MAST2: variants seen among roughly 807,000 people sequenced by gnomAD.
MAST2 encodes the protein microtubule associated serine/threonine kinase 2, also known as microtubule-associated serine/threonine-protein kinase 2.
A neutral mutation model predicts 147.4 loss-of-function variants in MAST2; 70 were observed. The ratio of observed to expected loss-of-function variants is 0.47; its 90% CI spans 0.39 to 0.58. MAST2 has a LOEUF of 0.58. MAST2 is among the 20% of genes least tolerant of loss of function. MAST2 has a pLI of 0.00. For synonymous variants in MAST2, 869 were observed against 896.8 expected (o/e 0.97, Z 0.55); for missense variants, 2,080 against 2,302.3 (o/e 0.90, Z 1.98).
intron 1 of MAST2, among the ~76,000 whole-genome samples, chr1:45,819,239 G>A (rs1308540289): frequency 1.4e-5 from 2 of 138,382 alleles, no homozygotes; most frequent in Non-Finnish European, 3.1e-5. Context: ...GGCAACAAGA[G>A]CAAAGTCTGT....
chr1:45,915,524 C>T (rs1000198022), intron 4 of MAST2, among the ~76,000 whole-genome samples: 1 of 152,090 alleles, frequency 6.6e-6, no homozygotes, highest in Non-Finnish European at 1.5e-5. Context: ...TCCTGGCTAA[C>T]ACGGTGAAAC....
chr1:45,812,709 G>A (rs1644341043), intron 1 of MAST2, among the ~76,000 whole-genome samples: 3 of 152,272 alleles, frequency 2.0e-5, no homozygotes, highest in South Asian at 4.1e-4. Context: ...ACAAGCATCG[G>A]CCACTGTGCC....
chr1:45,961,502 G>C (rs1660415547), intron 5 of MAST2, among the ~76,000 whole-genome samples: 3 of 152,208 alleles, frequency 2.0e-5, no homozygotes, highest in Admixed American at 6.5e-5. Flanking sequence ...AAGTGGATTT[G>C]ATTGAGAACA....
At chr1:45,918,336 A>G (rs954767416) in intron 4 of MAST2, among the ~76,000 whole-genome samples, 8 of 152,252 alleles carry the variant, frequency 5.3e-5, no homozygotes, top group African/African-American at 1.2e-4. Flanking sequence ...AGCTTGCTCC[A>G]TGTATTCTTT....
At chr1:46,030,324 T>C (rs900806361) in intron 21 of MAST2, 86 bp downstream of exon 21, 2 of 1,367,138 alleles carry the variant, frequency 1.5e-6, no homozygotes, top group African/African-American at 2.9e-5. Flanking sequence ...TGGGGCAGGC[T>C]CAGGGAGTTG....
intron 18 of MAST2, chr1:46,029,162 T>G: frequency 3.5e-6 from 2 of 563,842 alleles, no homozygotes; most frequent in East Asian, 2.9e-5. Flanking sequence ...GTCTCTCATA[T>G]ACACCTGGGT....
chr1:45,926,517 A>G (rs975145440), intron 4 of MAST2, among the ~76,000 whole-genome samples: 15 of 152,070 alleles, frequency 9.9e-5, no homozygotes, highest in African/African-American at 3.6e-4. Context: ...ATGCATTCTC[A>G]CTAATTGTTT....
chr1:46,010,718 T>G lies in MAST2; in HGVS notation c.979-12T>G. The G allele has an allele frequency of 6.2e-7, 1 of 1,611,862 alleles. No individual in the cohort carries two copies. The highest frequency in any genetic ancestry group is 8.5e-7 in the Non-Finnish European group (1 of 1,179,434). The stretch of plus-strand genomic sequence containing the variant: ...TAGAAGGGAAGTGTTTCTTTCTTGC[T>G]TTTCTTCCCAGGCCACCGCACAAAT... On this transcript the variant is annotated splice_polypyrimidine_tract_variant and intron_variant, in intron 9 of 28. Coordinates refer to ENST00000361297, the MANE Select transcript of MAST2 (RefSeq NM_015112.3).
chr1:45,974,208 A>G (rs1471236986), intron 5 of MAST2, among the ~76,000 whole-genome samples: 1 of 152,172 alleles, frequency 6.6e-6, no homozygotes, highest in African/African-American at 2.4e-5. Flanking sequence ...TAGGAGCACA[A>G]ACAGTCCTTC....
At chr1:45,904,917 C>T (rs1007625379) in intron 4 of MAST2, among the ~76,000 whole-genome samples, 2 of 151,940 alleles carry the variant, frequency 1.3e-5, no homozygotes, top group African/African-American at 2.4e-5. Context: ...AAGTGAGTCC[C>T]CCACCTCAGA....
intron 1 of MAST2, among the ~76,000 whole-genome samples, chr1:45,814,477 A>AT (rs569788046): frequency 9.7e-4 from 148 of 152,292 alleles, no homozygotes; most frequent in African/African-American, 3.3e-3. Flanking sequence ...AAAAAAGAAA[A>AT]TTTTTTTAAT....
intron 4 of MAST2, among the ~76,000 whole-genome samples, chr1:45,940,301 T>G (rs555120634): frequency 6.6e-6 from 1 of 152,190 alleles, no homozygotes; most frequent in East Asian, 1.9e-4. Flanking sequence ...CCTATTTAGC[T>G]TTTTAAAATT....
At chr1:45,857,090 G>T (rs1315882895) in intron 3 of MAST2, among the ~76,000 whole-genome samples, 3 of 151,886 alleles carry the variant, frequency 2.0e-5, no homozygotes, top group African/African-American at 4.8e-5. Context: ...CTAACATACT[G>T]TATATTTTAT....
intron 4 of MAST2, among the ~76,000 whole-genome samples, chr1:45,912,634 A>G (rs1651854258): frequency 6.6e-6 from 1 of 152,212 alleles, no homozygotes; most frequent in South Asian, 2.1e-4. Context: ...GAATGAGAGA[A>G]GCCCCTCAGA....
At position 46,025,685 on chromosome 1, in the gene MAST2, T is replaced by C; in HGVS notation, c.1789T>C (p.Cys597Arg). The C allele has an allele frequency of 6.2e-7, 1 of 1,614,102 alleles. No individual in the cohort carries two copies. The highest frequency in any genetic ancestry group is 8.5e-7 in the Non-Finnish European group (1 of 1,180,024). The change falls in exon 16 of 29, where the codon TGT becomes CGT. Residue 597 changes from cysteine (C) to arginine (R), a missense_variant. Transcript: ENST00000361297. ...MVMEYVEGGD[C>R]ATLLKNIGAL... Reference sequence around the variant, plus strand: ...GCCTGGGCTTGTTGCAGGGGGAGACTGTGCCACTCTGCTGAAGAATATTGG... The same window carrying C: ...GCCTGGGCTTGTTGCAGGGGGAGACCGTGCCACTCTGCTGAAGAATATTGG...
At chr1:45,812,272 A>G (rs1040184790) in intron 1 of MAST2, among the ~76,000 whole-genome samples, 4 of 152,106 alleles carry the variant, frequency 2.6e-5, no homozygotes, top group Non-Finnish European at 5.9e-5. Context: ...ACTTTGAAAT[A>G]TTTAGTTTCA....
intron 5 of MAST2, among the ~76,000 whole-genome samples, chr1:45,967,093 A>T (rs1661339484): frequency 6.6e-6 from 1 of 150,576 alleles, no homozygotes; most frequent in Non-Finnish European, 1.5e-5. Context: ...TTTTTTTTTG[A>T]GAGAGAGTCT....
chr1:45,865,841 G>A (rs567137411), intron 3 of MAST2, among the ~76,000 whole-genome samples: 6 of 152,202 alleles, frequency 3.9e-5, no homozygotes, highest in Non-Finnish European at 5.9e-5. Flanking sequence ...TCTCATCTTA[G>A]TCTTGTTAGC....
rs58072402 is a variant in MAST2 at position 45,966,861 on chromosome 1, CTTT to C, written c.592+7405_592+7407del. Among the ~76,000 whole-genome samples the C allele has an allele frequency of 2.2e-3, 241 of 111,066 alleles. 2 individuals are homozygous for C. In the East Asian group the frequency reaches 0.025, roughly 11 times the overall value. 72.9% of individuals were successfully genotyped at this position (111,066 alleles called of 152,430 possible). A position where few individuals can be genotyped will look rare whatever the true frequency, so the allele number is the denominator to read the frequency against. ...GTGGTGTCAGTGTGTGGATCTGGGTCTTTTTTTTTTTTTTTTTTTTTTTAAGGC... is the reference window on the plus strand; with the variant it reads ...GTGGTGTCAGTGTGTGGATCTGGGTCTTTTTTTTTTTTTTTTTTTTAAGGC... On this transcript the variant is annotated intron_variant, in intron 5 of 28. Transcript: ENST00000361297.
Sources: gnomAD v4.1 joint callset for allele counts (sites outside exome capture counted in the v4.1 genomes callset) on GRCh38, gnomAD v4.1.1 for gene constraint, MANE v1.5 for transcripts, NCBI Gene and HGNC (gene_info 2026-07-23, HGNC 2026-07-21) for gene names.